PCSK2: variants seen among roughly 807,000 people sequenced by gnomAD.
The protein encoded by PCSK2 is neuroendocrine convertase 2.
A neutral mutation model predicts 69.7 loss-of-function variants in PCSK2; 14 were observed. That is an observed-to-expected ratio of 0.20 (90% CI 0.13 to 0.31). The LOEUF (loss-of-function observed/expected upper bound fraction) is 0.31. Ranked by LOEUF, PCSK2 falls within the 10% of genes least tolerant of loss-of-function variation. PCSK2 has a pLI of 1.00. For synonymous variants in PCSK2, 307 were observed against 320.7 expected (o/e 0.96, Z 0.46); for missense variants, 544 against 842.5 (o/e 0.65, Z 4.39).
chr20:17,477,872 C>T (rs1156386268), intron 11 of PCSK2, among the ~76,000 whole-genome samples: 2 of 152,134 alleles, frequency 1.3e-5, no homozygotes, highest in Non-Finnish European at 2.9e-5. Context: ...TAATTTTTAT[C>T]TATTTTCTTA....
At chr20:17,394,053 C>T (rs2031451676) in intron 5 of PCSK2, among the ~76,000 whole-genome samples, 1 of 152,170 alleles carries the variant, frequency 6.6e-6, no homozygotes. Flanking sequence ...GTCCCAACAA[C>T]TTGGGAGGTG....
chr20:17,453,505 A>G lies in PCSK2; in HGVS notation c.886-237A>G, dbSNP rs2032863936. Among the ~76,000 whole-genome samples, 1 of 152,176 alleles carries G rather than the reference A, an allele frequency of 6.6e-6. No individual in the cohort carries two copies. Among genetic ancestry groups the G allele is most frequent in the Non-Finnish European group, 1.5e-5 (1 of 68,018 alleles). ...ACAGTTCTTCCAATTTTCTTACCTC[A>G]TTATCCCCAGCTTAAATTGTAAATT... On this transcript the variant is annotated intron_variant, in intron 8 of 11. Coordinates refer to ENST00000262545, the MANE Select transcript of PCSK2 (RefSeq NM_002594.5). The surrounding 1 kb of genome is among the most constrained non-coding windows in gnomAD (Gnocchi z 4.0).
intron 11 of PCSK2, among the ~76,000 whole-genome samples, chr20:17,469,597 A>G (rs2033166109): frequency 6.6e-6 from 1 of 152,054 alleles, no homozygotes; most frequent in Non-Finnish European, 1.5e-5. Flanking sequence ...CAGGACTTGA[A>G]GCAAAGCCCA....
chr20:17,251,969 C>T (rs779871272), intron 1 of PCSK2, among the ~76,000 whole-genome samples: 1 of 152,208 alleles, frequency 6.6e-6, no homozygotes, highest in Non-Finnish European at 1.5e-5. Flanking sequence ...ACTACACATG[C>T]TTCTCAATGT....
intron 2 of PCSK2, among the ~76,000 whole-genome samples, chr20:17,272,362 T>G (rs577321818): frequency 6.6e-6 from 1 of 152,160 alleles, no homozygotes; most frequent in Non-Finnish European, 1.5e-5. Context: ...AAGTCATAGA[T>G]CTCACATTGA....
chr20:17,241,497 G>C (rs1037733073), intron 1 of PCSK2, among the ~76,000 whole-genome samples: 3 of 152,186 alleles, frequency 2.0e-5, no homozygotes, highest in Non-Finnish European at 4.4e-5. Context: ...TAGTGACTTG[G>C]AGAAGCCTTG....
chr20:17,328,596 A>G (rs1990128201), intron 2 of PCSK2, among the ~76,000 whole-genome samples: 1 of 152,078 alleles, frequency 6.6e-6, no homozygotes, highest in Non-Finnish European at 1.5e-5. Flanking sequence ...GATACACTGT[A>G]TGTTTGGTGA....
At chr20:17,245,081 C>T (rs779767720) in intron 1 of PCSK2, among the ~76,000 whole-genome samples, 3 of 152,260 alleles carry the variant, frequency 2.0e-5, no homozygotes, top group Non-Finnish European at 4.4e-5. Flanking sequence ...CCAACCATCA[C>T]AGAATTATCC....
intron 11 of PCSK2, among the ~76,000 whole-genome samples, chr20:17,471,066 T>G (rs1010049658): frequency 2.0e-5 from 3 of 152,160 alleles, no homozygotes; most frequent in Non-Finnish European, 2.9e-5. Context: ...CCAGACGGAC[T>G]TCTAATGATC....
chr20:17,369,439 T>G (rs1032698060), intron 5 of PCSK2, among the ~76,000 whole-genome samples, 162 bp downstream of exon 5: 23 of 152,002 alleles, frequency 1.5e-4, no homozygotes, highest in African/African-American at 5.6e-4. Context: ...CTGGAACATA[T>G]GCACGCACAC....
At chr20:17,404,945 A>T (rs1391738334) in intron 5 of PCSK2, among the ~76,000 whole-genome samples, 2 of 152,220 alleles carry the variant, frequency 1.3e-5, no homozygotes, top group Non-Finnish European at 1.5e-5. Flanking sequence ...GTTCCGATAC[A>T]ACTTTACTTA....
chr20:17,408,680 C>T (rs1358140574), intron 5 of PCSK2, among the ~76,000 whole-genome samples: 1 of 152,244 alleles, frequency 6.6e-6, no homozygotes, highest in East Asian at 1.9e-4. Flanking sequence ...AGCAAAGTCT[C>T]TGACATATAT....
chr20:17,231,406 C>G (rs1389838578), intron 1 of PCSK2, among the ~76,000 whole-genome samples: 2 of 152,140 alleles, frequency 1.3e-5, no homozygotes, highest in African/African-American at 4.8e-5. Context: ...AACCAGCACC[C>G]AAATCAAGAA....
At chr20:17,262,964 C>G (rs1987448189) in intron 2 of PCSK2, among the ~76,000 whole-genome samples, 2 of 152,154 alleles carry the variant, frequency 1.3e-5, no homozygotes, top group Admixed American at 6.5e-5. Flanking sequence ...TCCTTCCTGT[C>G]CCTGCACCAC....
intron 2 of PCSK2, among the ~76,000 whole-genome samples, chr20:17,274,480 G>A (rs1987982909): frequency 6.6e-6 from 1 of 152,138 alleles, no homozygotes; most frequent in Non-Finnish European, 1.5e-5. Flanking sequence ...GCCCCTACCT[G>A]ACCTGGTAGC....
At chr20:17,228,135 C>G (rs1391430497) in intron 1 of PCSK2, 1 of 152,242 alleles carries the variant, frequency 6.6e-6, no homozygotes, top group Non-Finnish European at 1.5e-5. Flanking sequence ...CTCCCTAGTT[C>G]TCAACTCCCG....
chr20:17,315,622 C>A (rs377022884), intron 2 of PCSK2, among the ~76,000 whole-genome samples: 6 of 152,344 alleles, frequency 3.9e-5, no homozygotes, highest in African/African-American at 1.2e-4. Context: ...CTGCCCCAAA[C>A]GGGGCAGAGA....
At chr20:17,290,650 A>C (rs1988666427) in intron 2 of PCSK2, among the ~76,000 whole-genome samples, 1 of 152,214 alleles carries the variant, frequency 6.6e-6, no homozygotes, top group South Asian at 2.1e-4. Flanking sequence ...CTACAGTGCT[A>C]TATCGCTTCC....
intron 1 of PCSK2, among the ~76,000 whole-genome samples, chr20:17,239,127 A>G (rs771559038): frequency 6.6e-6 from 1 of 152,190 alleles, no homozygotes; most frequent in African/African-American, 2.4e-5. Context: ...TGACTTAATC[A>G]TTAAGAATCC....
Sources: allele counts gnomAD v4.1 joint callset (sites outside exome capture counted in the v4.1 genomes callset), GRCh38; gene constraint gnomAD v4.1.1; non-coding constraint Gnocchi (gnomAD v3.1); transcripts MANE v1.5; gene names NCBI Gene and HGNC (gene_info 2026-07-23, HGNC 2026-07-21).